Variants in ATP8B3 observed in about 807,000 individuals in gnomAD.
ATP8B3 encodes the protein phospholipid-transporting ATPase IK.
A neutral mutation model predicts 140.9 loss-of-function variants in ATP8B3; 141 were observed. The observed-to-expected ratio is 1.00, with a 90% CI of 0.87 to 1.15. The LOEUF (loss-of-function observed/expected upper bound fraction) is 1.15. Among genes scored for constraint, ATP8B3 ranks in the 50% most tolerant of loss-of-function variants. The pLI is 0.00. For synonymous variants in ATP8B3, 765 were observed against 714.6 expected (o/e 1.07, Z -1.13); for missense variants, 1,874 against 1,740.6 (o/e 1.08, Z -1.36).
In ATP8B3 at chr19:1,789,613, G is replaced by A; in HGVS notation, c.2593C>T (p.Arg865Cys). 1.3e-6 allele frequency: 2 copies of A among 1,591,642 alleles called. No individual in the cohort carries two copies. The highest frequency in any genetic ancestry group is 1.7e-6 in the Non-Finnish European group (2 of 1,173,296). Residue 865 changes from arginine to cysteine, a missense_variant, in exon 23 of 29, where the codon CGC (arginine) becomes TGC (cysteine). This residue lies in a region of ATP8B3 where 840 missense variants were observed against 760.9 expected (regional missense o/e 1.10). Transcript: ENST00000310127. ...AACCTCCGGCACAGCAGGGACAGGC[G>A]CCTGGCGTAGAGGAAATCCCTCCTG... ...QSRRDFLYAR[R>C]LSLLCRRFGL...
At position 1,800,155 on chromosome 19, in the gene ATP8B3, C is replaced by A. The variant is rs903166163; in HGVS notation, c.1344G>T (p.Leu448=). 1 of 1,558,058 alleles carries A rather than the reference C, an allele frequency of 6.4e-7. No individual in the cohort carries two copies. Among genetic ancestry groups the A allele is most frequent in the Non-Finnish European group, 8.7e-7 (1 of 1,150,534 alleles). The change falls in exon 14 of 29, where the codon CTG becomes CTT. Residue 448 remains leucine (L), a splice_region_variant and synonymous_variant. Coordinates refer to ENST00000310127, the MANE Select transcript of ATP8B3 (RefSeq NM_138813.4). The surrounding 1 kb of genome is among the most constrained non-coding windows in gnomAD (Gnocchi z 4.4). ...TGTTCCCCAGGTAGATGAACTCGGA[C>A]CTGCAGAGGCACTCAGGGTCACGGT... ...SVTIPMSMFI[L]SEFIYLGNSV...
In ATP8B3 at chr19:1,803,811, G is replaced by C. The variant is rs2068926553; in HGVS notation, c.905-1166C>G. Among the ~76,000 whole-genome samples the C allele has an allele frequency of 2.0e-5, 3 of 150,164 alleles. No individual in the cohort carries two copies. In the South Asian group the frequency reaches 6.3e-4, roughly 32 times the overall value. The stretch of plus-strand genomic sequence containing the variant: ...CTCGGGAGGCTGAGGCAGGAGAATC[G>C]CTTGAACCCGGGAGGCGGAGGTTGC... On this transcript the variant is annotated intron_variant, in intron 10 of 28. Coordinates refer to ENST00000310127, the MANE Select transcript of ATP8B3 (RefSeq NM_138813.4).
Position 1,795,991 on chromosome 19 carries a change from TG to T in ATP8B3, c.1943-5del. On this transcript the variant is annotated splice_region_variant and splice_polypyrimidine_tract_variant and intron_variant, in intron 17 of 28. Coordinates refer to ENST00000310127, the MANE Select transcript of ATP8B3 (RefSeq NM_138813.4). ...ATGGCGCCCTCTGGCTTTCGAACTG[TG>T]GGGGAACAGGCCCTGCTGCCCACAG... The T allele has an allele frequency of 4.3e-6, 7 of 1,613,036 alleles. No individual in the cohort carries two copies. Among genetic ancestry groups the T allele is most frequent in the East Asian group, 2.2e-5 (1 of 44,874 alleles).
Position 1,800,136 on chromosome 19 carries a change from C to A in ATP8B3, c.1363G>T (p.Gly455Trp). The change falls in exon 14 of 29, where the codon GGG becomes TGG. Residue 455 changes from glycine to tryptophan, a missense_variant. Gly to Trp is a radical substitution (Grantham distance 184). This residue lies in a region of ATP8B3 where 1,032 missense variants were observed against 963.6 expected (regional missense o/e 1.07). Transcript: ENST00000310127. The surrounding 1 kb of genome is among the most constrained non-coding windows in gnomAD (Gnocchi z 4.4). ...MFILSEFIYL[G>W]NSVFIDWDVQ... ...TCCCAGTCGATGAAGACGCTGTTCC[C>A]CAGGTAGATGAACTCGGACCTGCAG... 6.4e-7 allele frequency: 1 copy of A among 1,558,920 alleles called. No homozygotes were observed. Among genetic ancestry groups the A allele is most frequent in the Non-Finnish European group, 8.7e-7 (1 of 1,151,006 alleles).
rs746144482 is a variant in ATP8B3, at chr19:1,802,581, A to C, written c.969T>G (p.Asn323Lys). The change falls in exon 11 of 29, where the codon AAT becomes AAG. Residue 323 changes from asparagine to lysine, a missense_variant. Asn to Lys is a moderately conservative substitution (Grantham distance 94). This residue lies in a region of ATP8B3 where 1,032 missense variants were observed against 963.6 expected (regional missense o/e 1.07). Transcript: ENST00000310127. ...CAATGTCCAGGGAGTATTTCTTGTCATTCCATTCCAGGCACCCCACGAAGT... is the reference window on the plus strand; with the variant it reads ...CAATGTCCAGGGAGTATTTCTTGTCCTTCCATTCCAGGCACCCCACGAAGT... Reference protein sequence around the residue: ...MHHFVGCLEWNDKKYSLDIGN... With the variant: ...MHHFVGCLEWKDKKYSLDIGN... The C allele has an allele frequency of 1.9e-6, 3 of 1,611,388 alleles. No homozygotes were observed. The Admixed American group carries it at 5.0e-5, about 27-fold the overall frequency.
chr19:1,796,034 C>G lies in ATP8B3; in HGVS notation c.1942+43G>C, dbSNP rs768514866. The G allele has an allele frequency of 1.9e-6, 3 of 1,611,400 alleles. No individual in the cohort carries two copies. The Admixed American group carries it at 5.0e-5, about 27-fold the overall frequency. On this transcript the variant is annotated intron_variant, in intron 17 of 28. Transcript: ENST00000310127. ...TGCCCACAGAGGCTCCCCGTCTGCCCGCCCCACCTTGGGGGGCCCAGGGCT... is the reference window on the plus strand; with the variant it reads ...TGCCCACAGAGGCTCCCCGTCTGCCGGCCCCACCTTGGGGGGCCCAGGGCT...
Position 1,800,439 on chromosome 19 carries a change from G to A in ATP8B3, c.1163C>T (p.Ser388Phe), listed in dbSNP as rs1356363502. The change falls in exon 13 of 29, where the codon TCC (serine) becomes TTC (phenylalanine). Residue 388 changes from serine (S) to phenylalanine (F), a missense_variant. Coordinates refer to ENST00000310127, the MANE Select transcript of ATP8B3 (RefSeq NM_138813.4). The surrounding 1 kb of genome is among the most constrained non-coding windows in gnomAD (Gnocchi z 4.4). The part of the protein sequence containing the change: ...MNKLVVVIFI[S>F]VVLVCLVLAF... ...CAACACCAGGCAGACAAGCACCACG[G>A]AGATGAAGATCTGGAAGGCAGACGC... The A allele has an allele frequency of 6.3e-7, 1 of 1,577,636 alleles. No individual in the cohort carries two copies.
chr19:1,800,360 G>A lies in ATP8B3; in HGVS notation c.1242C>T (p.Leu414=), dbSNP rs199647169. ...VKEFKDHHYY[L]SGVHGSSVAA... ...CCACGCTGCTCCCATGCACCCCCGA[G>A]AGGTAGTAGTGGTGGTCTTTGAATT... The change falls in exon 13 of 29, where the codon CTC becomes CTT. Residue 414 remains leucine, a synonymous_variant. Coordinates refer to ENST00000310127, the MANE Select transcript of ATP8B3 (RefSeq NM_138813.4). This position sits in a 1 kb window ranked among gnomAD's most constrained non-coding sequence, Gnocchi z 4.4. 1.9e-6 allele frequency: 3 copies of A among 1,612,986 alleles called. No homozygotes were observed.
Position 1,811,785 on chromosome 19 carries a change from G to A in ATP8B3, c.-49C>T. The A allele has an allele frequency of 6.6e-7, 1 of 1,525,838 alleles. No individual in the cohort carries two copies. The highest frequency in any genetic ancestry group is 8.8e-7 in the Non-Finnish European group (1 of 1,141,686). The allele number at this position is 1,525,838 out of a possible 1,614,324, so 94.5% of individuals were successfully genotyped here. A position where few individuals can be genotyped will look rare whatever the true frequency, so the allele number is the denominator to read the frequency against. ...TTCAGGGCGAAGAGGGGTTTAGGCT[G>A]TGGGACGGGGGAGAGGTGGGGGAGA... On this transcript the variant is annotated 5_prime_UTR_variant, in exon 2 of 29. Coordinates refer to ENST00000310127, the MANE Select transcript of ATP8B3 (RefSeq NM_138813.4).
rs200462397 is a variant in ATP8B3, at chr19:1,785,555, C to T, written c.3307G>A (p.Asp1103Asn). 30 of 1,613,002 alleles carry T rather than the reference C, an allele frequency of 1.9e-5. No individual in the cohort carries two copies. The highest frequency in any genetic ancestry group is 2.7e-5 in the African/African-American group (2 of 75,076). The change falls in exon 26 of 29, where the codon GAC becomes AAC. Residue 1103 changes from aspartate to asparagine, a missense_variant. Coordinates refer to ENST00000310127, the MANE Select transcript of ATP8B3 (RefSeq NM_138813.4). ...NFFMTLWISR[D>N]TAGPASFSDH... ...CTGAAGCTGGCGGGTCCCGCCGTGT[C>T]GCGGCTGATCCACAGTGTCATGAAG...
At position 1,785,242 on chromosome 19, in the gene ATP8B3, C is replaced by T; in HGVS notation, c.3449G>A (p.Ser1150Asn). 6.2e-7 allele frequency: 1 copy of T among 1,609,754 alleles called. No homozygotes were observed. Among genetic ancestry groups the T allele is most frequent in the Non-Finnish European group, 8.5e-7 (1 of 1,178,066 alleles). ...AGTCATGATGGCGTAGAAACCAAGG[C>T]TGAGGAGGATGGTCGCCACGCACAG... ...TALCVATILL[S>N]LGFYAIMTTT... The change falls in exon 27 of 29, where the codon AGC becomes AAC. Residue 1150 changes from serine to asparagine, a missense_variant. Transcript: ENST00000310127.
intron 14 of ATP8B3, chr19:1,799,203 A>G (rs2068767363): frequency 6.6e-6 from 1 of 151,944 alleles, no homozygotes; most frequent in South Asian, 2.1e-4. Context: ...TCATGCCTGC[A>G]ATGCCAATAT....
At position 1,806,678 on chromosome 19, in the gene ATP8B3, C is replaced by T. The variant is rs771000087; in HGVS notation, c.627G>A (p.Lys209=). 2 of 1,563,618 alleles carry T rather than the reference C, an allele frequency of 1.3e-6. No homozygotes were observed. The highest frequency in any genetic ancestry group is 1.4e-5 in the African/African-American group (1 of 73,486). The part of the protein sequence containing the change: ...RDLVDDMGRH[K]SDRAINNRPC... The stretch of plus-strand genomic sequence containing the variant: ...GTCTGTTGTTGATGGCTCTGTCACT[C>T]TTGTGTCTCCCCTGGGCCAGGAGGG... Residue 209 remains lysine (K), a synonymous_variant, in exon 7 of 29, where the codon AAG becomes AAA. Coordinates refer to ENST00000310127, the MANE Select transcript of ATP8B3 (RefSeq NM_138813.4). The surrounding 1 kb of genome is among the most constrained non-coding windows in gnomAD (Gnocchi z 5.6).
Position 1,787,124 on chromosome 19 carries a change from G to C in ATP8B3, c.3132C>G (p.Leu1044=). Residue 1044 remains leucine, a synonymous_variant, in exon 25 of 29, where the codon CTC becomes CTG. Coordinates refer to ENST00000310127, the MANE Select transcript of ATP8B3 (RefSeq NM_138813.4). ...FNLLYSTLPV[L]YIGLFEQDVS... ...TCACCTGCTCAAAGAGCCCAATGTAGAGAACTGGCAGGGTGCTGTACAGGA... is the reference window on the plus strand; with the variant it reads ...TCACCTGCTCAAAGAGCCCAATGTACAGAACTGGCAGGGTGCTGTACAGGA... 1 of 1,608,734 alleles carries C rather than the reference G, an allele frequency of 6.2e-7. No homozygotes were observed. The highest frequency in any genetic ancestry group is 8.5e-7 in the Non-Finnish European group (1 of 1,177,428).
Position 1,783,027 on chromosome 19 carries a change from G to A in ATP8B3, c.*1C>T, listed in dbSNP as rs759890764. On this transcript the variant is annotated 3_prime_UTR_variant, in exon 29 of 29. Coordinates refer to ENST00000310127, the MANE Select transcript of ATP8B3 (RefSeq NM_138813.4). The stretch of plus-strand genomic sequence containing the variant: ...CCCAGGAAGGACATCTTCCTGAGGT[G>A]TCACTGTGACTCTTTTGGGCTCGAA... The A allele has an allele frequency of 5.0e-6, 8 of 1,601,884 alleles. No homozygotes were observed. The highest frequency in any genetic ancestry group is 1.8e-4 in the Middle Eastern group (1 of 5,700).
Position 1,811,631 on chromosome 19 carries a change from CCTGAGTCACGT to C in ATP8B3, c.95_105del (p.Asp32GlyfsTer12). The C allele has an allele frequency of 6.2e-7, 1 of 1,611,822 alleles. No individual in the cohort carries two copies. The highest frequency in any genetic ancestry group is 1.1e-5 in the South Asian group (1 of 91,070). ...CGGATGCCAGCAGGACCTGAGCCTT[CCTGAGTCACGT>C]CTGAGTCACCCGTGTCCCCAGGTCC... On this transcript the variant is annotated frameshift_variant, in exon 2 of 29. Transcript: ENST00000310127. LOFTEE classifies it high-confidence loss of function.
intron 3 of ATP8B3, among the ~76,000 whole-genome samples, 152 bp from the exon 4 acceptor site, chr19:1,809,886 G>T (rs1444204656): frequency 6.6e-6 from 1 of 152,202 alleles, no homozygotes; most frequent in Non-Finnish European, 1.5e-5. Flanking sequence ...CGGGCAGCAG[G>T]CACCACCTGG....
chr19:1,806,290 C>T lies in ATP8B3; in HGVS notation c.678-121G>A, dbSNP rs560046512. The T allele has an allele frequency of 2.0e-6, 3 of 1,497,690 alleles. No individual in the cohort carries two copies. Among genetic ancestry groups the T allele is most frequent in the Non-Finnish European group, 1.8e-6 (2 of 1,127,370 alleles). 92.8% of individuals were successfully genotyped at this position (1,497,690 alleles called of 1,614,324 possible). ...TGCAGTCCCCACCTCCGGGCCTTTG[C>T]CCCCTCAGGAAGCCTTCCCCGGGCT... is the stretch of plus-strand genomic sequence containing the variant. On this transcript the variant is annotated intron_variant, in intron 7 of 28. Transcript: ENST00000310127. The surrounding 1 kb of genome is among the most constrained non-coding windows in gnomAD (Gnocchi z 5.6).
chr19:1,808,871 G>A (rs981175113), intron 4 of ATP8B3, among the ~76,000 whole-genome samples: 14 of 152,098 alleles, frequency 9.2e-5, no homozygotes, highest in East Asian at 7.7e-4. Flanking sequence ...TTCGGTCCTC[G>A]AGATGAAAAT....
Sources: allele counts gnomAD v4.1 joint callset (sites outside exome capture counted in the v4.1 genomes callset), GRCh38; gene constraint gnomAD v4.1.1; regional missense constraint gnomAD v4.1.1; non-coding constraint Gnocchi (gnomAD v3.1); transcripts MANE v1.5; gene names NCBI Gene and HGNC (gene_info 2026-07-23, HGNC 2026-07-21).